Variants in DCC observed in about 807,000 individuals in gnomAD.
DCC encodes netrin receptor DCC.
In DCC, 58 loss-of-function variants were observed where a neutral mutation model predicts 172.5. The observed-to-expected ratio is 0.34, with a 90% confidence interval of 0.27 to 0.42. The LOEUF is 0.42. DCC is among the 10% of genes least tolerant of loss of function. The pLI is 1.00. For synonymous variants in DCC, 709 were observed against 644.5 expected, an observed-to-expected ratio of 1.10 and a Z score of -1.52; for missense variants, 1,740 against 1,791.0, an observed-to-expected ratio of 0.97 and a Z score of 0.51.
intron 8 of DCC, among the ~76,000 whole-genome samples, chr18:53,159,235 G>T: frequency 6.6e-6 from 1 of 151,926 alleles, no homozygotes; most frequent in Non-Finnish European, 1.5e-5. Flanking sequence ...AATTCAACCT[G>T]CCCAAAACAT....
chr18:53,113,314 A>T (rs1288547553), intron 7 of DCC, among the ~76,000 whole-genome samples: 1 of 151,444 alleles, frequency 6.6e-6, no homozygotes, highest in Non-Finnish European at 1.5e-5. Flanking sequence ...ATGTAGTTGG[A>T]TATAATTTAT....
At chr18:52,670,798 C>T (rs1055628084) in intron 1 of DCC, among the ~76,000 whole-genome samples, 34 of 152,170 alleles carry the variant, frequency 2.2e-4, no homozygotes, top group African/African-American at 7.9e-4. Context: ...CGAGATTGCG[C>T]CACTGCACTC....
At chr18:53,422,707 C>T (rs182503005) in intron 21 of DCC, among the ~76,000 whole-genome samples, 18 of 152,146 alleles carry the variant, frequency 1.2e-4, no homozygotes, top group African/African-American at 4.3e-4. Flanking sequence ...GCAGTCTAGT[C>T]AAGCTTGGAA....
chr18:52,960,584 C>A (rs2040826587), intron 5 of DCC, among the ~76,000 whole-genome samples: 1 of 152,084 alleles, frequency 6.6e-6, no homozygotes, highest in Non-Finnish European at 1.5e-5. Context: ...ATCAAGATGA[C>A]ATATTTGATA....
chr18:53,086,936 A>AT (rs1366848249), intron 7 of DCC, among the ~76,000 whole-genome samples: 4 of 151,514 alleles, frequency 2.6e-5, no homozygotes, highest in South Asian at 2.1e-4. Flanking sequence ...TGAACTCATC[A>AT]TTTTTTATGG....
At chr18:52,650,756 T>C (rs2035116664) in intron 1 of DCC, among the ~76,000 whole-genome samples, 1 of 152,206 alleles carries the variant, frequency 6.6e-6, no homozygotes, top group Admixed American at 6.5e-5. Context: ...GAGTTTTTCA[T>C]GTAGCTGACA....
chr18:53,106,653 T>C (rs531558078), intron 7 of DCC, among the ~76,000 whole-genome samples: 1 of 152,068 alleles, frequency 6.6e-6, no homozygotes, highest in South Asian at 2.1e-4. Flanking sequence ...GAGAGGGTTG[T>C]TGGATCTAGA....
chr18:53,489,672 A>C (rs2045939625), intron 26 of DCC, among the ~76,000 whole-genome samples: 1 of 152,224 alleles, frequency 6.6e-6, no homozygotes, highest in African/African-American at 2.4e-5. Context: ...GAATCACTAA[A>C]GTCCTATTCC....
chr18:52,486,324 A>G (rs896471187), intron 1 of DCC, among the ~76,000 whole-genome samples: 6 of 152,102 alleles, frequency 3.9e-5, no homozygotes, highest in African/African-American at 1.4e-4. Flanking sequence ...ACATGATCCA[A>G]CTAATGCCGT....
intron 1 of DCC, among the ~76,000 whole-genome samples, chr18:52,496,520 A>G (rs2030758011): frequency 6.6e-6 from 1 of 152,140 alleles, no homozygotes; most frequent in Admixed American, 6.6e-5. Context: ...CTGCTGCCTG[A>G]TGAATTTAAA....
chr18:52,812,510 G>C (rs71367298), intron 2 of DCC, among the ~76,000 whole-genome samples: 1 of 152,128 alleles, frequency 6.6e-6, no homozygotes, highest in African/African-American at 2.4e-5. Context: ...CTCATCAAAG[G>C]TCTTAAAGGC....
intron 19 of DCC, among the ~76,000 whole-genome samples, chr18:53,403,933 C>CACT (rs1233592498): frequency 5.3e-5 from 8 of 152,024 alleles, no homozygotes; most frequent in African/African-American, 1.9e-4. Flanking sequence ...TTGCTCTTAG[C>CACT]ACAATAGCAA....
chr18:53,480,907 T>C (rs2045823895), intron 25 of DCC: 1 of 152,208 alleles, frequency 6.6e-6, no homozygotes, highest in Non-Finnish European at 1.5e-5. Flanking sequence ...GCTAGGTGGT[T>C]CAGGGTCAGA....
chr18:53,292,113 A>ACCC (rs34382170), intron 12 of DCC, among the ~76,000 whole-genome samples: 8 of 136,068 alleles, frequency 5.9e-5, no homozygotes, highest in Admixed American at 3.7e-4. Context: ...TTTGAGCTCC[A>ACCC]CCCCCCCCCC....
intron 3 of DCC, among the ~76,000 whole-genome samples, chr18:52,919,428 A>T (rs1410917522): frequency 1.3e-5 from 2 of 152,220 alleles, no homozygotes; most frequent in Non-Finnish European, 2.9e-5. Context: ...ATTTGAACTT[A>T]TCAAATGATA....
intron 2 of DCC, among the ~76,000 whole-genome samples, chr18:52,845,596 G>C (rs2038873649): frequency 6.6e-5 from 10 of 152,150 alleles, no homozygotes. Flanking sequence ...ACAGTGGGAG[G>C]CCTCAGGGAT....
chr18:53,331,414 A>C (rs2057528510), intron 14 of DCC, among the ~76,000 whole-genome samples: 1 of 152,206 alleles, frequency 6.6e-6, no homozygotes, highest in South Asian at 2.1e-4. Flanking sequence ...GTAGCTGATC[A>C]AATGCTTCAT....
intron 1 of DCC, among the ~76,000 whole-genome samples, chr18:52,728,091 G>A (rs1421988470): frequency 6.6e-6 from 1 of 152,146 alleles, no homozygotes; most frequent in Non-Finnish European, 1.5e-5. Flanking sequence ...TTTTCAGGGT[G>A]TTGGTGTGTA....
chr18:52,424,311 G>T (rs1400024878), intron 1 of DCC, among the ~76,000 whole-genome samples: 1 of 152,092 alleles, frequency 6.6e-6, no homozygotes, highest in Admixed American at 6.6e-5. Context: ...TGATGCATTT[G>T]TCTGTTCCCC....
Sources: allele counts gnomAD v4.1 joint callset (sites outside exome capture counted in the v4.1 genomes callset), GRCh38; gene constraint gnomAD v4.1.1; transcripts MANE v1.5; gene names NCBI Gene and HGNC (gene_info 2026-07-23, HGNC 2026-07-21).